SGCD: variants seen among roughly 807,000 people sequenced by gnomAD.
SGCD encodes delta-sarcoglycan.
A neutral mutation model predicts 36.6 loss-of-function variants in SGCD; 18 were observed. That is an observed-to-expected ratio of 0.49 (90% CI 0.34 to 0.73). The LOEUF (loss-of-function observed/expected upper bound fraction) is 0.73. Among genes scored for constraint, SGCD ranks in the 30% least tolerant of loss-of-function variants. The pLI, the probability that SGCD is intolerant of heterozygous loss-of-function variation, is 0.01. For missense variants in SGCD, 387 were observed against 346.7 expected (o/e 1.12, Z -0.92); for synonymous variants, 133 against 130.6 (o/e 1.02, Z -0.12).
chr5:156,367,187 T>C (rs1415613048), intron 3 of SGCD, among the ~76,000 whole-genome samples: 1 of 152,184 alleles, frequency 6.6e-6, no homozygotes, highest in Non-Finnish European at 1.5e-5. Context: ...ACACATAAGA[T>C]GTTTATCTAA....
chr5:156,301,727 C>G (rs2127684726), intron 3 of SGCD, among the ~76,000 whole-genome samples: 1 of 151,236 alleles, frequency 6.6e-6, no homozygotes, highest in African/African-American at 2.4e-5. Flanking sequence ...TTTTGTTTGT[C>G]TGGGAAAGTG....
At chr5:156,552,725 A>G (rs1038426221) in intron 4 of SGCD, among the ~76,000 whole-genome samples, 2 of 152,188 alleles carry the variant, frequency 1.3e-5, no homozygotes, top group Non-Finnish European at 2.9e-5. Flanking sequence ...ATTATTAATG[A>G]TAATAATACC....
intron 1 of SGCD, among the ~76,000 whole-genome samples, chr5:156,053,500 T>G (rs929712828): frequency 6.8e-6 from 1 of 146,124 alleles, no homozygotes; most frequent in African/African-American, 2.5e-5. Flanking sequence ...GAACTTCACT[T>G]ATAAAATGCA....
At chr5:156,736,934 C>A (rs985452352) in intron 7 of SGCD, among the ~76,000 whole-genome samples, 1 of 152,108 alleles carries the variant, frequency 6.6e-6, no homozygotes, top group Non-Finnish European at 1.5e-5. Context: ...CTTTTAAATA[C>A]CATTTCAGGC....
the SGCD span, among the ~76,000 whole-genome samples, chr5:155,857,005 G>A: frequency 1.3e-5 from 2 of 152,148 alleles, no homozygotes; most frequent in Non-Finnish European, 2.9e-5. Flanking sequence ...AGACAGAGGC[G>A]GGTGGATTAC....
At chr5:155,924,999 C>T (rs1187791992) in intron 1 of SGCD, among the ~76,000 whole-genome samples, 3 of 151,990 alleles carry the variant, frequency 2.0e-5, no homozygotes, top group Non-Finnish European at 2.9e-5. Context: ...AATCCATGAC[C>T]GAATTTTTTA....
the SGCD span, among the ~76,000 whole-genome samples, chr5:155,832,680 C>T: frequency 6.6e-6 from 1 of 151,902 alleles, no homozygotes; most frequent in Non-Finnish European, 1.5e-5. Context: ...GATTAAATCA[C>T]ACATTGAAGA....
At chr5:156,073,554 C>T (rs960817962) in intron 1 of SGCD, among the ~76,000 whole-genome samples, 1 of 152,112 alleles carries the variant, frequency 6.6e-6, no homozygotes, top group East Asian at 1.9e-4. Flanking sequence ...CACAGTGAGA[C>T]CCTGTCTCAA....
chr5:156,364,556 A>C (rs1769988102), intron 3 of SGCD, among the ~76,000 whole-genome samples: 1 of 152,240 alleles, frequency 6.6e-6, no homozygotes, highest in Admixed American at 6.5e-5. Context: ...GGAGAAATCC[A>C]GTATGTGTGT....
chr5:156,238,799 C>T (rs571708890), intron 3 of SGCD, among the ~76,000 whole-genome samples: 4 of 152,158 alleles, frequency 2.6e-5, no homozygotes, highest in South Asian at 2.1e-4. Flanking sequence ...GTGTTATGAT[C>T]CCCAGGCATT....
intron 3 of SGCD, among the ~76,000 whole-genome samples, chr5:156,250,759 C>T (rs75247523): frequency 0.01 from 1,540 of 152,086 alleles, 29 homozygotes; most frequent in African/African-American, 0.035. Flanking sequence ...TGGGAGTTAG[C>T]GATCAGGGAA....
At chr5:155,858,849 G>T in the SGCD span, among the ~76,000 whole-genome samples, 1 of 152,072 alleles carries the variant, frequency 6.6e-6, no homozygotes, top group East Asian at 1.9e-4. Flanking sequence ...CCCTAGGTGA[G>T]TCCTATGCAC....
the SGCD span, among the ~76,000 whole-genome samples, chr5:155,775,749 G>A: frequency 1.1e-4 from 16 of 152,128 alleles, no homozygotes; most frequent in Non-Finnish European, 2.2e-4. Context: ...CTTCTATGAG[G>A]TGCCAAGCCT....
intron 6 of SGCD, among the ~76,000 whole-genome samples, chr5:156,636,514 G>C (rs976876618): frequency 6.6e-6 from 1 of 152,108 alleles, no homozygotes; most frequent in African/African-American, 2.4e-5. Context: ...ACATAAGTTA[G>C]GTATTATGGA....
intron 1 of SGCD, among the ~76,000 whole-genome samples, chr5:156,012,684 C>G (rs554902194): frequency 1.3e-5 from 2 of 149,506 alleles, no homozygotes; most frequent in East Asian, 3.9e-4. Context: ...GGGATCTTGG[C>G]TCACTGCAAG....
chr5:156,495,471 C>T (rs987229280), intron 3 of SGCD, among the ~76,000 whole-genome samples: 11 of 152,194 alleles, frequency 7.2e-5, no homozygotes, highest in Non-Finnish European at 1.6e-4. Flanking sequence ...TCATAAAAGA[C>T]ACTGTCATGT....
chr5:156,150,523 A>G (rs1358850270), intron 3 of SGCD, among the ~76,000 whole-genome samples: 1 of 151,598 alleles, frequency 6.6e-6, no homozygotes, highest in Non-Finnish European at 1.5e-5. Flanking sequence ...GGTTTGTTTG[A>G]TGGTGTAGCT....
At chr5:156,687,560 A>G (rs1156315316) in intron 7 of SGCD, among the ~76,000 whole-genome samples, 1 of 152,156 alleles carries the variant, frequency 6.6e-6, no homozygotes, top group African/African-American at 2.4e-5. Context: ...TGGGCCCAAA[A>G]TGTTACTGTT....
At chr5:155,877,658 A>C (rs1160418037) in intron 1 of SGCD, among the ~76,000 whole-genome samples, 2 of 152,090 alleles carry the variant, frequency 1.3e-5, no homozygotes, top group African/African-American at 4.8e-5. Flanking sequence ...CAATGTACTT[A>C]AGTAAAAATT....
Sources: gnomAD v4.1 joint callset for allele counts (sites outside exome capture counted in the v4.1 genomes callset) on GRCh38, gnomAD v4.1.1 for gene constraint, MANE v1.5 for transcripts, NCBI Gene and HGNC (gene_info 2026-07-23, HGNC 2026-07-21) for gene names.